Variants in PIK3C3 observed in about 807,000 individuals in gnomAD.
The protein encoded by PIK3C3 is phosphatidylinositol 3-kinase catalytic subunit type 3.
A neutral mutation model predicts 126.1 loss-of-function variants in PIK3C3; 95 were observed. The observed-to-expected ratio is 0.75, with a 90% confidence interval of 0.64 to 0.89. The LOEUF is 0.89. Ranked by LOEUF, PIK3C3 falls within the 40% of genes least tolerant of loss-of-function variation. The probability of loss-of-function intolerance (pLI) is 0.00; values close to 1 mark genes in which losing one functional copy is unlikely to be tolerated. For missense variants in PIK3C3, 829 were observed against 1,063.2 expected (o/e 0.78, Z 3.06); for synonymous variants, 374 against 360.0 (o/e 1.04, Z -0.44).
chr18:42,027,566 G>T lies in PIK3C3; in HGVS notation c.1590+18G>T. ...TGTTGAAGGTAACCCTTAAATGTGA[G>T]GGTTGGCAAACTGCAGCACATGGGC... On this transcript the variant is annotated intron_variant, in intron 14 of 24. Transcript: ENST00000262039. 6.6e-7 allele frequency: 1 copy of T among 1,520,642 alleles called. No homozygotes were observed. The highest frequency in any genetic ancestry group is 1.1e-5 in the South Asian group (1 of 87,936). The allele number at this position is 1,520,642 out of a possible 1,614,324, so 94.2% of individuals were successfully genotyped here. A position where few individuals can be genotyped will look rare whatever the true frequency, so the allele number is the denominator to read the frequency against.
intron 10 of PIK3C3, among the ~76,000 whole-genome samples, chr18:42,012,649 C>T (rs892148723): frequency 1.3e-5 from 2 of 152,150 alleles, no homozygotes; most frequent in Admixed American, 6.5e-5. Context: ...ATACTGGAAG[C>T]ATTTCCATCC....
At chr18:42,079,391 T>C (rs887994120) in intron 24 of PIK3C3, among the ~76,000 whole-genome samples, 6 of 152,080 alleles carry the variant, frequency 3.9e-5, no homozygotes, top group African/African-American at 9.7e-5. Context: ...CCCCAAAACA[T>C]TTACAATAGT....
At chr18:42,069,851 A>G (rs1985701957) in intron 24 of PIK3C3, among the ~76,000 whole-genome samples, 1 of 152,210 alleles carries the variant, frequency 6.6e-6, no homozygotes, top group African/African-American at 2.4e-5. Context: ...TCAGTAATCT[A>G]TAGCTACACA....
chr18:42,081,386 TAAG>T lies in PIK3C3; in HGVS notation c.*252_*254del, dbSNP rs1211566964. On this transcript the variant is annotated 3_prime_UTR_variant, in exon 25 of 25. Transcript: ENST00000262039. ...TCAAATGTATACATTGTTAATAAAT[TAAG>T]AAATGAGAAACATTCTTATTTATGT... 4 of 381,304 alleles carry T rather than the reference TAAG, an allele frequency of 1.0e-5. No individual in the cohort carries two copies. Among genetic ancestry groups the T allele is most frequent in the East Asian group, 7.6e-5 (2 of 26,256 alleles). 23.6% of individuals were successfully genotyped at this position (381,304 alleles called of 1,614,324 possible).
intron 6 of PIK3C3, among the ~76,000 whole-genome samples, chr18:41,991,502 T>A (rs1981775971): frequency 1.3e-5 from 2 of 152,196 alleles, no homozygotes; most frequent in Admixed American, 6.5e-5. Context: ...AGATTAATAT[T>A]TCTTCTAGCA....
chr18:42,045,618 G>A (rs548687442), intron 20 of PIK3C3, among the ~76,000 whole-genome samples: 1 of 152,282 alleles, frequency 6.6e-6, no homozygotes, highest in South Asian at 2.1e-4. Context: ...CCAGGGCTGG[G>A]AAGCTGGTAC....
rs143755535 is a variant in PIK3C3, at chr18:41,962,559, A to G, written c.328A>G (p.Ile110Val). Reference protein sequence around the residue: ...LPRNAQVALTIWDVYGPGKAV... With the variant: ...LPRNAQVALTVWDVYGPGKAV... ...CAGGAATGCCCAAGTGGCCCTCACC[A>G]TATGGGATGTGTATGGTCCCGGAAA... is the stretch of plus-strand genomic sequence containing the variant. Residue 110 changes from isoleucine (I) to valine (V), a missense_variant, in exon 3 of 25, where the codon ATA (isoleucine) becomes GTA (valine). By Grantham distance (29) the Ile-to-Val change is conservative (BLOSUM62 3). Coordinates refer to ENST00000262039, the MANE Select transcript of PIK3C3 (RefSeq NM_002647.4). 23 of 1,613,758 alleles carry G rather than the reference A, an allele frequency of 1.4e-5. No homozygotes were observed. Among genetic ancestry groups the G allele is most frequent in the African/African-American group, 1.2e-4 (9 of 74,908 alleles).
At chr18:42,079,691 T>C (rs763539964) in intron 24 of PIK3C3, among the ~76,000 whole-genome samples, 1 of 152,228 alleles carries the variant, frequency 6.6e-6, no homozygotes, top group Non-Finnish European at 1.5e-5. Flanking sequence ...ATTTTTGTCA[T>C]ACATAGACGC....
chr18:42,064,786 A>C lies in PIK3C3; in HGVS notation c.2479A>C (p.Asn827His). 1 of 1,606,846 alleles carries C rather than the reference A, an allele frequency of 6.2e-7. No homozygotes were observed. The highest frequency in any genetic ancestry group is 8.5e-7 in the Non-Finnish European group (1 of 1,173,590). Residue 827 changes from asparagine to histidine, a missense_variant, in exon 23 of 25, where the codon AAC becomes CAC. Physicochemically the swap from Asn to His is moderately conservative, Grantham distance 68. Transcript: ENST00000262039. Reference protein sequence around the residue: ...LNLFSLMVDANIPDIALEPDK... With the variant: ...LNLFSLMVDAHIPDIALEPDK... The stretch of plus-strand genomic sequence containing the variant: ...CTTGTTTTCCTTGATGGTTGATGCA[A>C]ACATTCCAGATATTGCACTTGAACC...
In PIK3C3 at chr18:42,032,960, C is replaced by G. The variant is rs548579208; in HGVS notation, c.1708-866C>G. Among the ~76,000 whole-genome samples, 13 of 152,224 alleles carry G rather than the reference C, an allele frequency of 8.5e-5. 1 individual carries two copies. The South Asian group carries it at 2.5e-3, about 29-fold the overall frequency. ...AACTTCTTTCACTGATTCCAGAGTT[C>G]TCTCCTTTGAGGCTTACCCAGCAGC... On this transcript the variant is annotated intron_variant, in intron 15 of 24. Coordinates refer to ENST00000262039, the MANE Select transcript of PIK3C3 (RefSeq NM_002647.4).
rs1009378461 is a variant in PIK3C3 at position 42,086,438 on chromosome 18, T to C, written c.*5301T>C. 6.6e-6 allele frequency: 1 copy of C among 152,210 alleles called. No homozygotes were observed. Among genetic ancestry groups the C allele is most frequent in the Admixed American group, 6.5e-5 (1 of 15,280 alleles). The allele number at this position is 152,210 out of a possible 1,614,324, so 9.4% of individuals were successfully genotyped here. A position where few individuals can be genotyped will look rare whatever the true frequency, so the allele number is the denominator to read the frequency against. On this transcript the variant is annotated 3_prime_UTR_variant, in exon 25 of 25. Coordinates refer to ENST00000262039, the MANE Select transcript of PIK3C3 (RefSeq NM_002647.4). ...TGGGTATAATGAAGCTGAGACCCACTGGGCTGCATTCCCAGGAAGTTAGGC... is the reference window on the plus strand; with the variant it reads ...TGGGTATAATGAAGCTGAGACCCACCGGGCTGCATTCCCAGGAAGTTAGGC...
intron 10 of PIK3C3, among the ~76,000 whole-genome samples, chr18:42,010,563 G>T (rs553894881): frequency 1.6e-4 from 24 of 152,044 alleles, no homozygotes; most frequent in Admixed American, 9.2e-4. Context: ...ACAGGGTTTC[G>T]CCATGTTAGC....
intron 9 of PIK3C3, among the ~76,000 whole-genome samples, chr18:42,003,005 G>A (rs1053558578): frequency 2.0e-5 from 3 of 152,192 alleles, no homozygotes; most frequent in Admixed American, 1.3e-4. Flanking sequence ...GAAGTATGGG[G>A]CTGAGAATTG....
At chr18:42,007,021 C>T (rs1163134276) in intron 10 of PIK3C3, among the ~76,000 whole-genome samples, 1 of 151,824 alleles carries the variant, frequency 6.6e-6, no homozygotes, top group East Asian at 1.9e-4. Context: ...CCGCCACCAC[C>T]CCTGGATACT....
chr18:41,961,814 T>TA (rs905607912), intron 2 of PIK3C3, among the ~76,000 whole-genome samples: 5 of 151,228 alleles, frequency 3.3e-5, no homozygotes, highest in East Asian at 1.9e-4. Context: ...ATAGAGGGTT[T>TA]AAAAAAAAAG....
intron 21 of PIK3C3, 133 bp from the exon 22 acceptor site, chr18:42,057,750 A>G (rs1407320747): frequency 1.3e-5 from 10 of 760,738 alleles, no homozygotes; most frequent in Non-Finnish European, 2.1e-5. Context: ...GAAATATCGA[A>G]GAATTTAATA....
chr18:42,018,654 C>A (rs185417808), intron 12 of PIK3C3, among the ~76,000 whole-genome samples: 3 of 152,194 alleles, frequency 2.0e-5, no homozygotes, highest in Admixed American at 6.5e-5. Context: ...GAAAGGACCC[C>A]TACTGTGTTA....
intron 18 of PIK3C3, among the ~76,000 whole-genome samples, chr18:42,039,828 ATT>A (rs894796279): frequency 1.3e-5 from 2 of 152,174 alleles, no homozygotes; most frequent in African/African-American, 4.8e-5. Flanking sequence ...TCAAACATCT[ATT>A]TTTACTTACT....
At chr18:41,986,225 A>C (rs1297426564) in intron 4 of PIK3C3, among the ~76,000 whole-genome samples, 4 of 152,126 alleles carry the variant, frequency 2.6e-5, no homozygotes, top group Non-Finnish European at 4.4e-5. Context: ...GTGGTTATAA[A>C]AAGTGCCTAT....
Sources: gnomAD v4.1 joint callset for allele counts (sites outside exome capture counted in the v4.1 genomes callset) on GRCh38, gnomAD v4.1.1 for gene constraint, MANE v1.5 for transcripts, NCBI Gene and HGNC (gene_info 2026-07-23, HGNC 2026-07-21) for gene names.